The following TTC29 variants were observed in gnomAD, a reference collection of about 807,000 sequenced individuals.
TTC29 encodes the protein tetratricopeptide repeat domain 29.
TTC29 carries 49 observed loss-of-function variants against 58.1 expected under a neutral mutation model. The ratio of observed to expected loss-of-function variants is 0.84; its 90% CI spans 0.67 to 1.07. The LOEUF is 1.07. Ranked by LOEUF, TTC29 falls within the 50% of genes least tolerant of loss-of-function variation. The probability of loss-of-function intolerance (pLI) is 0.00; values close to 1 mark genes in which losing one functional copy is unlikely to be tolerated. For missense variants in TTC29, 582 were observed against 555.6 expected (o/e 1.05, Z -0.48); for synonymous variants, 209 against 196.8 (o/e 1.06, Z -0.52).
chr4:146,915,756 C>T (rs1219808160), intron 4 of TTC29, among the ~76,000 whole-genome samples: 1 of 151,588 alleles, frequency 6.6e-6, no homozygotes, highest in Non-Finnish European at 1.5e-5. Context: ...AATTATATGA[C>T]TGATATATTT....
chr4:146,791,562 C>T (rs572282700), intron 11 of TTC29, among the ~76,000 whole-genome samples: 1 of 152,222 alleles, frequency 6.6e-6, no homozygotes, highest in South Asian at 2.1e-4. Context: ...CCCTGAGACA[C>T]AACAATATTG....
intron 11 of TTC29, among the ~76,000 whole-genome samples, chr4:146,779,094 T>C (rs1300203373): frequency 2.6e-5 from 4 of 151,390 alleles, no homozygotes; most frequent in African/African-American, 4.9e-5. Context: ...AAATCTGAAG[T>C]ATACTTGGTC....
At chr4:146,878,895 C>G (rs1280373797) in intron 6 of TTC29, among the ~76,000 whole-genome samples, 2 of 152,032 alleles carry the variant, frequency 1.3e-5, no homozygotes, top group Non-Finnish European at 2.9e-5. Flanking sequence ...CTGTGGGGGG[C>G]TCTGGAATTC....
intron 10 of TTC29, among the ~76,000 whole-genome samples, chr4:146,819,692 G>A (rs1001017504): frequency 3.9e-5 from 6 of 152,004 alleles, no homozygotes; most frequent in Admixed American, 2.0e-4. Flanking sequence ...TAGGATTGTC[G>A]TTTCTTCTTC....
rs145174098 is a variant in TTC29 at position 146,829,261 on chromosome 4, C to T, written c.977+4545G>A. ...GGGAAAACAGGACCGTTAACACCCA[C>T]GTCCCTTGACAACTGTCCAATTATG... On this transcript the variant is annotated intron_variant, in intron 9 of 12. Coordinates refer to ENST00000325106, the MANE Select transcript of TTC29 (RefSeq NM_031956.4). Among the ~76,000 whole-genome samples the T allele has an allele frequency of 2.1e-3, 324 of 152,326 alleles. 1 individual carries two copies. The highest frequency in any genetic ancestry group is 6.9e-3 in the African/African-American group (285 of 41,582).
chr4:146,826,647 T>A (rs944724437), intron 9 of TTC29, among the ~76,000 whole-genome samples: 2 of 152,084 alleles, frequency 1.3e-5, no homozygotes, highest in Non-Finnish European at 2.9e-5. Flanking sequence ...TGAATTTGCA[T>A]GTTGGCCTAT....
intron 6 of TTC29, among the ~76,000 whole-genome samples, chr4:146,878,187 G>T (rs1164792839): frequency 6.6e-6 from 1 of 152,192 alleles, no homozygotes; most frequent in Non-Finnish European, 1.5e-5. Flanking sequence ...GGGATGGTTA[G>T]AAATAACAGT....
At chr4:146,914,012 G>A (rs189810086) in intron 4 of TTC29, among the ~76,000 whole-genome samples, 10 of 151,972 alleles carry the variant, frequency 6.6e-5, no homozygotes, top group East Asian at 1.9e-4. Flanking sequence ...ACACACATGC[G>A]CACATACCTA....
Position 146,909,254 on chromosome 4 carries a change from A to C in TTC29, c.177-5T>G, listed in dbSNP as rs2150283727. 1 of 1,598,380 alleles carries C rather than the reference A, an allele frequency of 6.3e-7. No individual in the cohort carries two copies. The highest frequency in any genetic ancestry group is 8.6e-7 in the Non-Finnish European group (1 of 1,169,262). On this transcript the variant is annotated splice_polypyrimidine_tract_variant and splice_region_variant and intron_variant, in intron 4 of 12. Transcript: ENST00000325106. ...TTCTTGTAGGAGTTCCTATAACTGGAAATATGAATCAGAACACTCTCAGGT... is the reference window on the plus strand; with the variant it reads ...TTCTTGTAGGAGTTCCTATAACTGGCAATATGAATCAGAACACTCTCAGGT...
At chr4:146,845,901 T>C (rs1330184796) in intron 8 of TTC29, among the ~76,000 whole-genome samples, 1 of 133,314 alleles carries the variant, frequency 7.5e-6, no homozygotes, top group African/African-American at 2.8e-5. Flanking sequence ...CTTATTATTT[T>C]CTCCTTCTAG....
chr4:146,915,279 T>C (rs1190293120), intron 4 of TTC29, among the ~76,000 whole-genome samples: 2 of 152,140 alleles, frequency 1.3e-5, no homozygotes, highest in Non-Finnish European at 2.9e-5. Flanking sequence ...CCACACAATG[T>C]TTTATTTATT....
chr4:146,925,294 G>A (rs1450334817), intron 4 of TTC29, among the ~76,000 whole-genome samples: 1 of 151,868 alleles, frequency 6.6e-6, no homozygotes, highest in African/African-American at 2.4e-5. Flanking sequence ...GAGTGATGTT[G>A]GAATCTCCAA....
intron 8 of TTC29, among the ~76,000 whole-genome samples, chr4:146,861,137 A>G (rs1282575902): frequency 2.0e-5 from 3 of 152,196 alleles, no homozygotes. Context: ...TGATATATTT[A>G]GGGAGAAAGG....
intron 3 of TTC29, among the ~76,000 whole-genome samples, chr4:146,939,202 C>A (rs930618968): frequency 3.3e-5 from 5 of 152,278 alleles, no homozygotes; most frequent in Non-Finnish European, 7.4e-5. Flanking sequence ...TCCCTACAAT[C>A]CCAGCATTTG....
At chr4:146,854,668 A>G (rs1241885920) in intron 8 of TTC29, among the ~76,000 whole-genome samples, 3 of 152,080 alleles carry the variant, frequency 2.0e-5, no homozygotes, top group Admixed American at 2.0e-4. Flanking sequence ...GCCACCAGGA[A>G]ATCACATACA....
chr4:146,770,063 A>G (rs1379366236), intron 11 of TTC29, among the ~76,000 whole-genome samples: 1 of 152,014 alleles, frequency 6.6e-6, no homozygotes, highest in Admixed American at 6.6e-5. Flanking sequence ...TTTCAGGCTT[A>G]TAATTCCAGC....
chr4:146,943,196 T>C (rs1560746756), intron 2 of TTC29, among the ~76,000 whole-genome samples: 1 of 93,354 alleles, frequency 1.1e-5, no homozygotes, highest in African/African-American at 4.2e-5. Flanking sequence ...TTTTTTTTTT[T>C]TCAAAATTCT....
intron 11 of TTC29, among the ~76,000 whole-genome samples, chr4:146,802,497 C>T (rs550399205): frequency 6.8e-4 from 103 of 152,214 alleles, no homozygotes; most frequent in African/African-American, 1.9e-3. Flanking sequence ...AACTAGAGGA[C>T]GGTGGGTAGT....
intron 11 of TTC29, among the ~76,000 whole-genome samples, chr4:146,730,144 C>T (rs59273117): frequency 0.027 from 4,072 of 152,132 alleles, 170 homozygotes; most frequent in African/African-American, 0.093. Context: ...AATAAGTATA[C>T]ATTCTCCTCA....
Sources: allele counts gnomAD v4.1 joint callset (sites outside exome capture counted in the v4.1 genomes callset), GRCh38; gene constraint gnomAD v4.1.1; transcripts MANE v1.5; gene names NCBI Gene and HGNC (gene_info 2026-07-23, HGNC 2026-07-21).